COL5A1: variants seen among roughly 807,000 people sequenced by gnomAD.
COL5A1 encodes collagen alpha-1(V) chain.
A neutral mutation model predicts 263.7 loss-of-function variants in COL5A1; 16 were observed. The ratio of observed to expected loss-of-function variants is 0.06; its 90% CI spans 0.04 to 0.09. COL5A1 has a LOEUF of 0.09. COL5A1 is among the 10% of genes least tolerant of loss of function. The probability of loss-of-function intolerance (pLI) is 1.00; values close to 1 mark genes in which losing one functional copy is unlikely to be tolerated. For missense variants in COL5A1, 2,036 were observed against 2,540.5 expected (o/e 0.80, Z 4.27); for synonymous variants, 1,012 against 1,004.5 (o/e 1.01, Z -0.14).
intron 13 of COL5A1, among the ~76,000 whole-genome samples, chr9:134,752,236 G>C (rs553846208): frequency 2.4e-4 from 37 of 151,122 alleles, no homozygotes; most frequent in African/African-American, 8.7e-4. Context: ...TATGCCCAGA[G>C]TAAGAGGCTT....
At chr9:134,744,594 C>A (rs1468511691) in intron 11 of COL5A1, among the ~76,000 whole-genome samples, 3 of 151,800 alleles carry the variant, frequency 2.0e-5, no homozygotes, top group Non-Finnish European at 4.4e-5. Flanking sequence ...CTTACACATG[C>A]ACACTCACCC....
chr9:134,840,148 A>ATGAATCC (rs1352752780), intron 65 of COL5A1, among the ~76,000 whole-genome samples: 1 of 152,264 alleles, frequency 6.6e-6, no homozygotes, highest in Admixed American at 6.5e-5. Context: ...AGCCAGACGG[A>ATGAATCC]GTCAGCCTCT....
In COL5A1 at chr9:134,642,225, T is replaced by A; in HGVS notation, c.38T>A (p.Leu13His). ...ACCCGCTGGAAAGCGCGCAGCGCGCTCCGCCCGGGCGCCCCGCTGCTGCCC... is the reference window on the plus strand; with the variant it reads ...ACCCGCTGGAAAGCGCGCAGCGCGCACCGCCCGGGCGCCCCGCTGCTGCCC... The part of the protein sequence containing the change: ...VHTRWKARSA[L>H]RPGAPLLPPL... Residue 13 changes from leucine (L) to histidine (H), a missense_variant, in exon 1 of 66, where the codon CTC becomes CAC. Transcript: ENST00000371817. The surrounding 1 kb of genome is among the most constrained non-coding windows in gnomAD (Gnocchi z 4.5). The A allele has an allele frequency of 7.7e-7, 1 of 1,297,518 alleles. No individual in the cohort carries two copies. The allele number at this position is 1,297,518 out of a possible 1,614,324, so 80.4% of individuals were successfully genotyped here.
rs191444056 is a variant in COL5A1 at position 134,774,409 on chromosome 9, C to T, written c.2332-450C>T. On this transcript the variant is annotated intron_variant, in intron 26 of 65. Coordinates refer to ENST00000371817, the MANE Select transcript of COL5A1 (RefSeq NM_000093.5). ...CCCATGAGCTCTAGTTGAGCATCGG[C>T]GAGGCCCTTGGCTGCTGGAGGATGT... Among the ~76,000 whole-genome samples, 479 of 152,300 alleles carry T rather than the reference C, an allele frequency of 3.1e-3. 2 individuals are homozygous for T. Among genetic ancestry groups the T allele is most frequent in the Middle Eastern group, 0.017 (5 of 294 alleles).
chr9:134,688,834 C>T (rs1166376485), intron 1 of COL5A1, among the ~76,000 whole-genome samples: 2 of 152,192 alleles, frequency 1.3e-5, no homozygotes, highest in Admixed American at 6.5e-5. Flanking sequence ...AACCCTGGGA[C>T]CTGGGTACTG....
intron 1 of COL5A1, among the ~76,000 whole-genome samples, chr9:134,660,223 G>A (rs1466812704): frequency 1.3e-5 from 2 of 152,182 alleles, no homozygotes; most frequent in African/African-American, 4.8e-5. Context: ...TGTTCTATGT[G>A]CCATGAGAGT....
chr9:134,685,357 C>G (rs1458928271), intron 1 of COL5A1, among the ~76,000 whole-genome samples: 36 of 145,372 alleles, frequency 2.5e-4, no homozygotes, highest in African/African-American at 8.7e-4. Flanking sequence ...TCCATCCGTC[C>G]ATCCACCATC....
intron 4 of COL5A1, 106 bp from the exon 5 acceptor site, chr9:134,727,160 G>T: frequency 1.7e-6 from 2 of 1,205,382 alleles, no homozygotes; most frequent in Non-Finnish European, 2.4e-6. Flanking sequence ...TCGTCTTGTG[G>T]CTTGGTCTGG....
chr9:134,817,801 C>G lies in COL5A1; in HGVS notation c.4200C>G (p.Pro1400=). Residue 1400 remains proline (P), a synonymous_variant, in exon 54 of 66, where the codon CCC becomes CCG. Transcript: ENST00000371817. ...AGGGTCCCCCAGGCCCCGCAGGCCC[C>G]GAAGGCAGACAGGGAGAGAAAGGGG... ...GKRGPPGPAG[P]EGRQGEKGAK... 1 of 1,611,846 alleles carries G rather than the reference C, an allele frequency of 6.2e-7. No homozygotes were observed. The highest frequency in any genetic ancestry group is 8.5e-7 in the Non-Finnish European group (1 of 1,179,006).
chr9:134,792,495 C>T (rs1488614094), intron 32 of COL5A1, among the ~76,000 whole-genome samples: 1 of 152,138 alleles, frequency 6.6e-6, no homozygotes, highest in African/African-American at 2.4e-5. Context: ...CCTGCCTCAG[C>T]CTCCTAAGTA....
In COL5A1 at chr9:134,669,314, T is replaced by TC. The variant is rs1564376554; in HGVS notation, c.110-21595dup. Among the ~76,000 whole-genome samples the TC allele has an allele frequency of 2.1e-4, 17 of 81,792 alleles. No homozygotes were observed. The South Asian group carries it at 6.0e-3, about 29-fold the overall frequency. The allele number at this position is 81,792 out of a possible 152,430, so 53.7% of individuals were successfully genotyped here. On this transcript the variant is annotated intron_variant, in intron 1 of 65. Transcript: ENST00000371817. ...TCCCTCCCCTCCCCTCCCCTCCCCT[T>TC]CCCTTCTCCTTCCTTCCTTCCTTCC... is the stretch of plus-strand genomic sequence containing the variant.
rs12001015 is a variant in COL5A1, at chr9:134,709,554, C to G, written c.654+8221C>G. Among the ~76,000 whole-genome samples, 1,206 of 152,316 alleles carry G rather than the reference C, an allele frequency of 7.9e-3. 11 individuals carry two copies. Among genetic ancestry groups the G allele is most frequent in the African/African-American group, 0.025 (1,019 of 41,564 alleles). ...TGACCCGCCTGGTAGGTGCCAGTGA[C>G]CCTGCTGGTGATCTGTGTGGCACCC... On this transcript the variant is annotated intron_variant, in intron 4 of 65. Transcript: ENST00000371817.
Position 134,711,631 on chromosome 9 carries a change from C to T in COL5A1, c.654+10298C>T, listed in dbSNP as rs561817676. Among the ~76,000 whole-genome samples the T allele has an allele frequency of 4.6e-5, 7 of 152,234 alleles. 1 individual carries two copies. The South Asian group carries it at 1.5e-3, about 32-fold the overall frequency. ...GTAAAGCCACCTGCCCACAGTCACA[C>T]AGCTGGGAACAGTCAGGGCAGGACT... On this transcript the variant is annotated intron_variant, in intron 4 of 65. Coordinates refer to ENST00000371817, the MANE Select transcript of COL5A1 (RefSeq NM_000093.5).
chr9:134,804,659 G>A (rs1159658152), intron 39 of COL5A1, among the ~76,000 whole-genome samples: 3 of 152,230 alleles, frequency 2.0e-5, no homozygotes, highest in Non-Finnish European at 4.4e-5. Context: ...TGGAGGCTCA[G>A]GCTGTGCTCC....
chr9:134,689,082 A>G (rs73558811), intron 1 of COL5A1, among the ~76,000 whole-genome samples: 5,397 of 152,168 alleles, frequency 0.035, 200 homozygotes, highest in African/African-American at 0.094. Context: ...AGTGCTGGGG[A>G]GACAGAGTCC....
Position 134,757,934 on chromosome 9 carries a change from TCA to T in COL5A1, c.1882-301_1882-300del, listed in dbSNP as rs1312468101. ...GGTGGGGGAGATCAGCAGCAGACAC[TCA>T]CACACACGGGAAACTGCAGCGGTCG... On this transcript the variant is annotated intron_variant, in intron 17 of 65. Coordinates refer to ENST00000371817, the MANE Select transcript of COL5A1 (RefSeq NM_000093.5). This position sits in a 1 kb window ranked among gnomAD's most constrained non-coding sequence, Gnocchi z 6.2. Among the ~76,000 whole-genome samples, 2 of 152,010 alleles carry T rather than the reference TCA, an allele frequency of 1.3e-5. No homozygotes were observed. Among genetic ancestry groups the T allele is most frequent in the African/African-American group, 2.4e-5 (1 of 41,384 alleles).
In COL5A1 at chr9:134,821,616, G is replaced by A. The variant is rs1457199721; in HGVS notation, c.4555-481G>A. On this transcript the variant is annotated intron_variant, in intron 58 of 65. Coordinates refer to ENST00000371817, the MANE Select transcript of COL5A1 (RefSeq NM_000093.5). This position sits in a 1 kb window ranked among gnomAD's most constrained non-coding sequence, Gnocchi z 4.2. ...TCTGAGCGGAGGTTCCACGCTCCAA[G>A]GATGCAGAAAGCACATTTACAGGCA... is the stretch of plus-strand genomic sequence containing the variant. Among the ~76,000 whole-genome samples the A allele has an allele frequency of 6.6e-6, 1 of 152,200 alleles. No homozygotes were observed. The highest frequency in any genetic ancestry group is 1.5e-5 in the Non-Finnish European group (1 of 68,040).
At chr9:134,699,218 C>T (rs1340182887) in intron 2 of COL5A1, among the ~76,000 whole-genome samples, 4 of 152,210 alleles carry the variant, frequency 2.6e-5, no homozygotes, top group African/African-American at 9.6e-5. Flanking sequence ...CCGGGCCAGC[C>T]TGGGTCTGCC....
At position 134,821,457 on chromosome 9, in the gene COL5A1, G is replaced by T. The variant is rs556375193; in HGVS notation, c.4555-640G>T. 1.3e-5 allele frequency among the ~76,000 whole-genome samples: 2 copies of T among 152,168 alleles called. No homozygotes were observed. The highest frequency in any genetic ancestry group is 2.1e-4 in the South Asian group (1 of 4,820). ...CTACCCTCGCCCCCAGCTTCTGCCCGGAGAGAGCTCTGAGTGGAATCCAGG... is the reference window on the plus strand; with the variant it reads ...CTACCCTCGCCCCCAGCTTCTGCCCTGAGAGAGCTCTGAGTGGAATCCAGG... On this transcript the variant is annotated intron_variant, in intron 58 of 65. Transcript: ENST00000371817. This position sits in a 1 kb window ranked among gnomAD's most constrained non-coding sequence, Gnocchi z 4.2.
Sources: gnomAD v4.1 joint callset for allele counts (sites outside exome capture counted in the v4.1 genomes callset) on GRCh38, gnomAD v4.1.1 for gene constraint, Gnocchi (gnomAD v3.1) non-coding constraint, MANE v1.5 for transcripts, NCBI Gene and HGNC (gene_info 2026-07-23, HGNC 2026-07-21) for gene names.